ERCC4: variants seen among roughly 807,000 people sequenced by gnomAD.
ERCC4 encodes the protein DNA repair endonuclease XPF.
A neutral mutation model predicts 76.9 loss-of-function variants in ERCC4; 65 were observed. The observed-to-expected ratio is 0.84, with a 90% CI of 0.69 to 1.04. ERCC4 has a LOEUF of 1.04. Among genes scored for constraint, ERCC4 ranks in the 50% least tolerant of loss-of-function variants. ERCC4 has a pLI of 0.00. For synonymous variants in ERCC4, 463 were observed against 410.1 expected, an observed-to-expected ratio of 1.13 and a Z score of -1.56; for missense variants, 1,214 against 1,128.2, an observed-to-expected ratio of 1.08 and a Z score of -1.09.
intron 5 of ERCC4, 104 bp from the exon 6 acceptor site, chr16:13,932,053 G>T (rs990864713): frequency 3.8e-5 from 37 of 968,680 alleles, no homozygotes; most frequent in Non-Finnish European, 5.8e-5. Flanking sequence ...TTGGTAGGAA[G>T]ACAGGATGAC....
chr16:13,952,045 CT>C lies in ERCC4; in HGVS notation c.*3702del, dbSNP rs2032637272. ...CACTTAATCATCCTTATCAACCAGG[CT>C]TTTGGTAGCCTAAACCGCTATGCTG... is the stretch of plus-strand genomic sequence containing the variant. On this transcript the variant is annotated 3_prime_UTR_variant, in exon 11 of 11. Coordinates refer to ENST00000311895, the MANE Select transcript of ERCC4 (RefSeq NM_005236.3). 5.0e-6 allele frequency: 1 copy of C among 200,178 alleles called. No individual in the cohort carries two copies. Among genetic ancestry groups the C allele is most frequent in the African/African-American group, 2.3e-5 (1 of 43,536 alleles). 12.4% of individuals were successfully genotyped at this position (200,178 alleles called of 1,614,324 possible).
rs542802357 is a variant in ERCC4 at position 13,935,897 on chromosome 16, T to G, written c.1811+154T>G. On this transcript the variant is annotated intron_variant, in intron 8 of 10. Transcript: ENST00000311895. ...TTGCTTCCTGATGAATCTGGGAAGT[T>G]GGATAGGAAGGATGTCAAGTATCAC... is the stretch of plus-strand genomic sequence containing the variant. Among the ~76,000 whole-genome samples, 28 of 152,244 alleles carry G rather than the reference T, an allele frequency of 1.8e-4. No homozygotes were observed. In the South Asian group the frequency reaches 5.6e-3, roughly 30 times the overall value.
intron 9 of ERCC4, chr16:13,943,949 T>G (rs559133685): frequency 1.3e-5 from 2 of 152,356 alleles, no homozygotes; most frequent in South Asian, 4.1e-4. Flanking sequence ...TTGCGAATCT[T>G]AGTTATGATT....
At chr16:13,927,978 C>A in intron 3 of ERCC4, 50 bp from the exon 4 acceptor site, 1 of 1,377,922 alleles carries the variant, frequency 7.3e-7, no homozygotes, top group Non-Finnish European at 1.0e-6. Context: ...ACCAGAAATA[C>A]ATAGCTGCTG....
chr16:13,947,194 A>G (rs559677576), intron 10 of ERCC4, among the ~76,000 whole-genome samples: 22 of 152,328 alleles, frequency 1.4e-4, no homozygotes, highest in African/African-American at 4.8e-4. Context: ...TATAAATACA[A>G]TAGTCCCTAA....
chr16:13,936,015 A>G (rs1188329291), intron 8 of ERCC4, among the ~76,000 whole-genome samples: 1 of 152,158 alleles, frequency 6.6e-6, no homozygotes, highest in Non-Finnish European at 1.5e-5. Context: ...TTTGCATCGT[A>G]TGGGGTACTG....
rs1022205699 is a variant in ERCC4, at chr16:13,949,680, A to C, written c.*1333A>C. 3.4e-5 allele frequency: 8 copies of C among 232,690 alleles called. No homozygotes were observed. Among genetic ancestry groups the C allele is most frequent in the African/African-American group, 1.8e-4 (8 of 45,346 alleles). The allele number at this position is 232,690 out of a possible 1,614,324, so 14.4% of individuals were successfully genotyped here. On this transcript the variant is annotated 3_prime_UTR_variant, in exon 11 of 11. Transcript: ENST00000311895. ...AAAAATCTCATTCTAAACCTGATTA[A>C]GTTGGCTTTTTACGTAAGTGTACAA... is the stretch of plus-strand genomic sequence containing the variant.
Position 13,948,096 on chromosome 16 carries a change from G to A in ERCC4, c.2500G>A (p.Asp834Asn), listed in dbSNP as rs138583819. The change falls in exon 11 of 11, where the codon GAT becomes AAT. Residue 834 changes from aspartate (D) to asparagine (N), a missense_variant. Asp to Asn is a conservative substitution (Grantham distance 23). Coordinates refer to ENST00000311895, the MANE Select transcript of ERCC4 (RefSeq NM_005236.3). Reference protein sequence around the residue: ...DAATALAITADSETLPESEKY... With the variant: ...DAATALAITANSETLPESEKY... ...GGCGACAGCACTGGCCATTACAGCAGATTCTGAAACCCTTCCCGAGTCAGA... is the reference window on the plus strand; with the variant it reads ...GGCGACAGCACTGGCCATTACAGCAAATTCTGAAACCCTTCCCGAGTCAGA... 4.3e-6 allele frequency: 7 copies of A among 1,614,144 alleles called. No individual in the cohort carries two copies. Among genetic ancestry groups the A allele is most frequent in the Non-Finnish European group, 8.5e-7 (1 of 1,180,034 alleles).
rs1438695584 is a variant in ERCC4, at chr16:13,947,666, A to T, written c.2070A>T (p.Glu690Asp). ...TQQSIVVDMR[E>D]FRSELPSLIH... ...AAAGCATAGTTGTGGATATGCGTGA[A>T]TTTCGAAGTGAGCTTCCATCTCTGA... Residue 690 changes from glutamate to aspartate, a missense_variant, in exon 11 of 11, where the codon GAA becomes GAT. Glu to Asp is a conservative substitution (Grantham distance 45). Coordinates refer to ENST00000311895, the MANE Select transcript of ERCC4 (RefSeq NM_005236.3). 8 of 1,614,242 alleles carry T rather than the reference A, an allele frequency of 5.0e-6. No individual in the cohort carries two copies. In the South Asian group the frequency reaches 8.8e-5, roughly 18 times the overall value.
intron 6 of ERCC4, 54 bp from the exon 7 acceptor site, chr16:13,934,138 G>C: frequency 8.4e-7 from 1 of 1,184,504 alleles, no homozygotes; most frequent in Non-Finnish European, 1.2e-6. Context: ...GCCTTTGGAA[G>C]ACTTTATGGG....
chr16:13,943,943 G>A (rs941536749), intron 9 of ERCC4: 8 of 152,122 alleles, frequency 5.3e-5, no homozygotes, highest in South Asian at 4.1e-4. Context: ...TCCAAATTGC[G>A]AATCTTAGTT....
chr16:13,935,153 A>G lies in ERCC4; in HGVS notation c.1221A>G (p.Val407=), dbSNP rs1169619500. ...ESEALGGPGQ[V]LICASDDRTC... ...GTTGTTTTCTATTTTCAGGTCAAGT[A>G]CTGATTTGTGCAAGTGATGACCGAA... The change falls in exon 8 of 11, where the codon GTA becomes GTG. Residue 407 remains valine (V), a synonymous_variant. Transcript: ENST00000311895. 1 of 1,611,780 alleles carries G rather than the reference A, an allele frequency of 6.2e-7. No individual in the cohort carries two copies.
Position 13,935,599 on chromosome 16 carries a change from C to G in ERCC4, c.1667C>G (p.Pro556Arg). The G allele has an allele frequency of 6.2e-7, 1 of 1,614,138 alleles. No individual in the cohort carries two copies. Among genetic ancestry groups the G allele is most frequent in the South Asian group, 1.1e-5 (1 of 91,080 alleles). ...ILKEPLTIIH[P>R]LLGCSDPYAL... ...AAAGAACCCCTCACTATCATCCATC[C>G]GCTTCTGGGTTGCAGCGACCCCTAT... is the stretch of plus-strand genomic sequence containing the variant. Residue 556 changes from proline to arginine, a missense_variant, in exon 8 of 11, where the codon CCG becomes CGG. Physicochemically the swap from Pro to Arg is moderately radical, Grantham distance 103 (BLOSUM62 -2). Transcript: ENST00000311895.
chr16:13,944,767 A>G lies in ERCC4; in HGVS notation c.1949A>G (p.Asp650Gly), dbSNP rs1037736788. 6.2e-7 allele frequency: 1 copy of G among 1,614,134 alleles called. No individual in the cohort carries two copies. Among genetic ancestry groups the G allele is most frequent in the South Asian group, 1.1e-5 (1 of 91,086 alleles). The change falls in exon 10 of 11, where the codon GAT becomes GGT. Residue 650 changes from aspartate (D) to glycine (G), a missense_variant. By Grantham distance (94) the Asp-to-Gly change is moderately conservative. Transcript: ENST00000311895. ...MVVPEEREGR[D>G]ETNLDLVRGT... ...GTCCCTGAAGAAAGAGAAGGCAGAG[A>G]TGAAACAAACTTAGACCTAGTAAGA...
chr16:13,949,829 CAT>C lies in ERCC4; in HGVS notation c.*1483_*1484del, dbSNP rs2032597450. On this transcript the variant is annotated 3_prime_UTR_variant, in exon 11 of 11. Transcript: ENST00000311895. ...TTTCTACCTCAGGAGCTGATATAGA[CAT>C]CAGTTCTGCTAGCCATATCACATAT... The C allele has an allele frequency of 4.3e-6, 1 of 232,354 alleles. No individual in the cohort carries two copies. Among genetic ancestry groups the C allele is most frequent in the Non-Finnish European group, 8.5e-6 (1 of 117,638 alleles). The allele number at this position is 232,354 out of a possible 1,614,324, so 14.4% of individuals were successfully genotyped here.
Position 13,949,191 on chromosome 16 carries a change from A to G in ERCC4, c.*844A>G, listed in dbSNP as rs1334995764. The G allele has an allele frequency of 4.3e-6, 1 of 233,148 alleles. No homozygotes were observed. Among genetic ancestry groups the G allele is most frequent in the Non-Finnish European group, 8.5e-6 (1 of 118,030 alleles). The allele number at this position is 233,148 out of a possible 1,614,324, so 14.4% of individuals were successfully genotyped here. On this transcript the variant is annotated 3_prime_UTR_variant, in exon 11 of 11. Transcript: ENST00000311895. The stretch of plus-strand genomic sequence containing the variant: ...AGTTAATGATGAAGGAGCTCTTAGA[A>G]TTCTCAATTTTTGCACATATTCAGT...
chr16:13,932,272 T>C lies in ERCC4; in HGVS notation c.1089T>C (p.Ile363=). ...AAAAAATATCTGAAAAAATGGAAAT[T>C]AAAGAAGGGGAAGGTATCTTGTGGG... ...KKEKISEKME[I]KEGEETKKEL... Residue 363 remains isoleucine, a synonymous_variant, in exon 6 of 11, where the codon ATT becomes ATC. Coordinates refer to ENST00000311895, the MANE Select transcript of ERCC4 (RefSeq NM_005236.3). 1.2e-6 allele frequency: 2 copies of C among 1,610,272 alleles called. No homozygotes were observed. The highest frequency in any genetic ancestry group is 3.3e-5 in the Admixed American group (2 of 59,956).
rs535728795 is a variant in ERCC4 at position 13,947,856 on chromosome 16, C to T, written c.2260C>T (p.Arg754Cys). Reference sequence around the variant, plus strand: ...CATCTCCATGTCCCGCTACTACAAGCGTCCCGTGCTTCTGATTGAGTTTGA... The same window carrying T: ...CATCTCCATGTCCCGCTACTACAAGTGTCCCGTGCTTCTGATTGAGTTTGA... ...QCISMSRYYKRPVLLIEFDPS... is the reference protein window; with the variant it reads ...QCISMSRYYKCPVLLIEFDPS... Residue 754 changes from arginine (R) to cysteine (C), a missense_variant, in exon 11 of 11, where the codon CGT becomes TGT. Physicochemically the swap from Arg to Cys is radical, Grantham distance 180. Transcript: ENST00000311895. 2.5e-6 allele frequency: 4 copies of T among 1,614,172 alleles called. No individual in the cohort carries two copies. Among genetic ancestry groups the T allele is most frequent in the South Asian group, 2.2e-5 (2 of 91,074 alleles).
At position 13,946,357 on chromosome 16, in the gene ERCC4, A is replaced by G. The variant is rs150900698; in HGVS notation, c.2018-1257A>G. On this transcript the variant is annotated intron_variant, in intron 10 of 10. Coordinates refer to ENST00000311895, the MANE Select transcript of ERCC4 (RefSeq NM_005236.3). ...ACAGCTAGGCTATGTGGTATGGCCTATGGCTCCTGGGCCACAAACCTGCAC... is the reference window on the plus strand; with the variant it reads ...ACAGCTAGGCTATGTGGTATGGCCTGTGGCTCCTGGGCCACAAACCTGCAC... Among the ~76,000 whole-genome samples, 14 of 152,358 alleles carry G rather than the reference A, an allele frequency of 9.2e-5. No individual in the cohort carries two copies. In the East Asian group the frequency reaches 2.3e-3, roughly 25 times the overall value.
Sources: gnomAD v4.1 joint callset for allele counts (sites outside exome capture counted in the v4.1 genomes callset) on GRCh38, gnomAD v4.1.1 for gene constraint, MANE v1.5 for transcripts, NCBI Gene and HGNC (gene_info 2026-07-23, HGNC 2026-07-21) for gene names.